The following DNAJC15 variants were observed in gnomAD, a reference collection of about 807,000 sequenced individuals.
DNAJC15 encodes DnaJ heat shock protein family (Hsp40) member C15.
Under a neutral mutation model 22.4 loss-of-function variants are expected in DNAJC15, and 27 were observed. The observed-to-expected ratio is 1.20, with a 90% CI of 0.89 to 1.66. The LOEUF (loss-of-function observed/expected upper bound fraction) is 1.66, where lower values mean the gene tolerates loss of function less well. Among genes scored for constraint, DNAJC15 ranks in the 40% most tolerant of loss-of-function variants. DNAJC15 has a pLI of 0.00. For missense variants in DNAJC15, 208 were observed against 187.1 expected (o/e 1.11, Z -0.65); for synonymous variants, 79 against 63.2 (o/e 1.25, Z -1.19).
intron 5 of DNAJC15, among the ~76,000 whole-genome samples, chr13:43,087,115 T>C (rs889019397): frequency 2.6e-5 from 4 of 152,260 alleles, no homozygotes; most frequent in African/African-American, 9.6e-5. Context: ...ATTCAATTAA[T>C]GTAGAGGCTG....
intron 1 of DNAJC15, among the ~76,000 whole-genome samples, chr13:43,063,593 A>T (rs968253144): frequency 6.6e-6 from 1 of 152,140 alleles, no homozygotes; most frequent in Non-Finnish European, 1.5e-5. Flanking sequence ...TGTTTTAGCC[A>T]TTTAATTTTG....
chr13:43,099,476 C>G (rs971733580), intron 5 of DNAJC15, among the ~76,000 whole-genome samples: 1 of 152,200 alleles, frequency 6.6e-6, no homozygotes, highest in Non-Finnish European at 1.5e-5. Flanking sequence ...TAGGGAAAAG[C>G]ATCCAGTCTT....
rs1383432160 is a variant in DNAJC15 at position 43,075,490 on chromosome 13, A to ATT, written c.235-3121_235-3120dup. Among the ~76,000 whole-genome samples the ATT allele has an allele frequency of 1.4e-4, 21 of 152,346 alleles. No individual in the cohort carries two copies. The East Asian group carries it at 1.9e-3, about 14-fold the overall frequency. On this transcript the variant is annotated intron_variant, in intron 3 of 5. Transcript: ENST00000379221. ...ATATTTTTTTCCTGAATAAAGAATT[A>ATT]TTCTATGTAGTAGTTCAGGCATGAT...
chr13:43,096,936 C>T (rs556723691), intron 5 of DNAJC15, among the ~76,000 whole-genome samples: 1 of 152,310 alleles, frequency 6.6e-6, no homozygotes, highest in Non-Finnish European at 1.5e-5. Context: ...GCCTAGCTAT[C>T]CCAGCTTAGG....
intron 5 of DNAJC15, among the ~76,000 whole-genome samples, chr13:43,092,846 G>A (rs1299658150): frequency 6.6e-6 from 1 of 152,128 alleles, no homozygotes; most frequent in East Asian, 1.9e-4. Flanking sequence ...CCTGGGAGAT[G>A]GAGGCTACGG....
In DNAJC15 at chr13:43,091,498, A is replaced by G. The variant is rs183414400; in HGVS notation, c.382+5660A>G. Among the ~76,000 whole-genome samples, 602 of 152,280 alleles carry G rather than the reference A, an allele frequency of 4.0e-3. 4 individuals are homozygous for G. The highest frequency in any genetic ancestry group is 0.014 in the African/African-American group (564 of 41,562). The stretch of plus-strand genomic sequence containing the variant: ...ATTTGTTCATTTCACCTAAAATTTC[A>G]GGTCTATTGTTACAAATGGGTTCAT... On this transcript the variant is annotated intron_variant, in intron 5 of 5. Transcript: ENST00000379221.
At chr13:43,064,148 C>CT (rs1286441628) in intron 1 of DNAJC15, among the ~76,000 whole-genome samples, 1 of 152,146 alleles carries the variant, frequency 6.6e-6, no homozygotes, top group Middle Eastern at 3.2e-3. Flanking sequence ...AAAGGTGTGA[C>CT]TTAAAACTGG....
chr13:43,075,494 T>C (rs1432396076), intron 3 of DNAJC15, among the ~76,000 whole-genome samples: 1 of 152,240 alleles, frequency 6.6e-6, no homozygotes, highest in East Asian at 1.9e-4. Context: ...AGAATTATTC[T>C]ATGTAGTAGT....
chr13:43,062,226 CAGTG>C (rs2040562521), intron 1 of DNAJC15, among the ~76,000 whole-genome samples: 1 of 152,180 alleles, frequency 6.6e-6, no homozygotes. Flanking sequence ...TTCCAGAACT[CAGTG>C]AGAGTTGTAG....
chr13:43,042,385 TCTTCCTC>T (rs1206885536), intron 1 of DNAJC15, among the ~76,000 whole-genome samples: 1 of 152,226 alleles, frequency 6.6e-6, no homozygotes, highest in African/African-American at 2.4e-5. Context: ...TAGTTTTGTT[TCTTCCTC>T]CTTCTTAGTA....
intron 1 of DNAJC15, among the ~76,000 whole-genome samples, chr13:43,053,588 T>C (rs922641387): frequency 6.6e-6 from 1 of 152,252 alleles, no homozygotes; most frequent in African/African-American, 2.4e-5. Flanking sequence ...AGCAGTCTTT[T>C]GTATGATAGT....
chr13:43,023,607 AGT>A lies in DNAJC15; in HGVS notation c.-19_-18del. On this transcript the variant is annotated 5_prime_UTR_variant, in exon 1 of 6. Transcript: ENST00000379221. ...TCGTAGTCACTGCCGCGGCGCCTTG[AGT>A]CTCCGGGCCGCCTTGCCATGGCTGC... is the stretch of plus-strand genomic sequence containing the variant. 1.2e-6 allele frequency: 2 copies of A among 1,602,092 alleles called. No homozygotes were observed. The highest frequency in any genetic ancestry group is 1.7e-5 in the Admixed American group (1 of 58,812).
intron 3 of DNAJC15, among the ~76,000 whole-genome samples, chr13:43,077,591 T>G (rs2040639502): frequency 6.6e-6 from 1 of 152,108 alleles, no homozygotes; most frequent in African/African-American, 2.4e-5. Flanking sequence ...AACCAGTCAG[T>G]AGATACAGGC....
At chr13:43,061,049 G>C (rs1488301751) in intron 1 of DNAJC15, among the ~76,000 whole-genome samples, 1 of 152,206 alleles carries the variant, frequency 6.6e-6, no homozygotes, top group Non-Finnish European at 1.5e-5. Context: ...CAGATGGAAT[G>C]CTGAGAAGTG....
At chr13:43,077,086 C>G (rs911476586) in intron 3 of DNAJC15, among the ~76,000 whole-genome samples, 3 of 152,218 alleles carry the variant, frequency 2.0e-5, no homozygotes, top group Non-Finnish European at 4.4e-5. Flanking sequence ...TATCTGTACA[C>G]TAATGACTCT....
chr13:43,030,650 G>T (rs2040400350), intron 1 of DNAJC15, among the ~76,000 whole-genome samples: 1 of 152,174 alleles, frequency 6.6e-6, no homozygotes, highest in Non-Finnish European at 1.5e-5. Context: ...GAGTCTAAGT[G>T]CTATAGTGGA....
intron 5 of DNAJC15, among the ~76,000 whole-genome samples, chr13:43,098,276 T>C (rs1274743071): frequency 6.6e-6 from 1 of 152,192 alleles, no homozygotes; most frequent in Admixed American, 6.5e-5. Flanking sequence ...TAGTAATTAT[T>C]GAGGCTTTCT....
chr13:43,082,307 C>A (rs9315986), intron 4 of DNAJC15, among the ~76,000 whole-genome samples: 37,311 of 151,940 alleles, frequency 0.25, 4,948 homozygotes, highest in Non-Finnish European at 0.31. Flanking sequence ...GGTCTAGGTA[C>A]CATCATATTT....
chr13:43,063,528 CTGT>C (rs564719612), intron 1 of DNAJC15, among the ~76,000 whole-genome samples: 16 of 152,292 alleles, frequency 1.1e-4, no homozygotes, highest in South Asian at 1.0e-3. Flanking sequence ...CTATACCATT[CTGT>C]TGTTATTGTT....
Sources: gnomAD v4.1 joint callset for allele counts (sites outside exome capture counted in the v4.1 genomes callset) on GRCh38, gnomAD v4.1.1 for gene constraint, MANE v1.5 for transcripts, NCBI Gene and HGNC (gene_info 2026-07-23, HGNC 2026-07-21) for gene names.